Variants in DYTN observed in about 807,000 individuals in gnomAD.
The protein encoded by DYTN is dystrotelin.
DYTN carries 75 observed loss-of-function variants against 69.6 expected under a neutral mutation model. The ratio of observed to expected loss-of-function variants is 1.08; its 90% CI spans 0.89 to 1.31. The LOEUF (loss-of-function observed/expected upper bound fraction) is 1.31. Among genes scored for constraint, DYTN ranks in the 50% most tolerant of loss-of-function variants. DYTN has a pLI of 0.00. For missense variants in DYTN, 726 were observed against 688.4 expected (o/e 1.05, Z -0.61); for synonymous variants, 252 against 249.1 (o/e 1.01, Z -0.11).
intron 11 of DYTN, among the ~76,000 whole-genome samples, chr2:206,658,394 A>G (rs1321623944): frequency 6.6e-6 from 1 of 150,680 alleles, no homozygotes; most frequent in Non-Finnish European, 1.5e-5. Flanking sequence ...CTTCTTCTTT[A>G]CTCTTTATTT....
chr2:206,694,983 G>A, intron 7 of DYTN, 106 bp from the exon 8 acceptor site: 1 of 733,428 alleles, frequency 1.4e-6, no homozygotes. Context: ...TACAGAAGAT[G>A]TCTGAGCTGC....
intron 1 of DYTN, among the ~76,000 whole-genome samples, 178 bp downstream of exon 1, chr2:206,718,083 A>C (rs1192972381): frequency 6.6e-6 from 1 of 152,216 alleles, no homozygotes; most frequent in Non-Finnish European, 1.5e-5. Context: ...TCTTCAGTAC[A>C]TGGTGGATTT....
At chr2:206,684,794 C>T (rs1699787721) in intron 9 of DYTN, among the ~76,000 whole-genome samples, 1 of 145,160 alleles carries the variant, frequency 6.9e-6, no homozygotes, top group African/African-American at 2.7e-5. Flanking sequence ...AGTATAGCCT[C>T]TTTATTTTCT....
At chr2:206,679,937 C>T (rs1489671754) in intron 9 of DYTN, among the ~76,000 whole-genome samples, 1 of 152,150 alleles carries the variant, frequency 6.6e-6, no homozygotes, top group Non-Finnish European at 1.5e-5. Context: ...TCTTCATTTG[C>T]TCAGGATGCT....
chr2:206,705,651 T>A (rs755199303), intron 4 of DYTN, 137 bp downstream of exon 4: 4 of 685,962 alleles, frequency 5.8e-6, no homozygotes, highest in Non-Finnish European at 9.1e-6. Context: ...CCTCAAATAG[T>A]AAATATTTTT....
intron 9 of DYTN, among the ~76,000 whole-genome samples, chr2:206,678,387 C>A (rs1176036414): frequency 2.0e-5 from 3 of 152,170 alleles, no homozygotes; most frequent in African/African-American, 7.2e-5. Context: ...GGCAATTTTG[C>A]AATAAGCATG....
chr2:206,684,751 TTTCTTC>T (rs978263322), intron 9 of DYTN, among the ~76,000 whole-genome samples: 2 of 152,182 alleles, frequency 1.3e-5, no homozygotes, highest in African/African-American at 4.8e-5. Flanking sequence ...TCTTCCCCAT[TTTCTTC>T]TTCTTCTTGA....
At position 206,666,026 on chromosome 2, in the gene DYTN, G is replaced by A. The variant is rs200245926; in HGVS notation, c.984C>T (p.Leu328=). ...TGTATTGGTTTAACTGTTTTTTAAG[G>A]AGCCTGAAAAGAGAACAGATTTGAG... The part of the protein sequence containing the change: ...KGVPHHAQAR[L]LKKQLNQYKD... Residue 328 remains leucine (L), a synonymous_variant, in exon 10 of 12, where the codon CTC becomes CTT. Transcript: ENST00000452335. The A allele has an allele frequency of 1.5e-4, 234 of 1,613,524 alleles. No individual in the cohort carries two copies. The highest frequency in any genetic ancestry group is 3.2e-4 in the Admixed American group (19 of 59,968).
Position 206,651,665 on chromosome 2 carries a change from A to T in DYTN, c.*153T>A. 1 of 634,714 alleles carries T rather than the reference A, an allele frequency of 1.6e-6. No homozygotes were observed. The allele number at this position is 634,714 out of a possible 1,614,324, so 39.3% of individuals were successfully genotyped here. A position where few individuals can be genotyped will look rare whatever the true frequency, so the allele number is the denominator to read the frequency against. On this transcript the variant is annotated 3_prime_UTR_variant, in exon 12 of 12. Transcript: ENST00000452335. Reference sequence around the variant, plus strand: ...ACTCTGAACTGCAGAACTAAGATACATAAGTAGGGAGGGAGATCAAAAAAC... The same window carrying T: ...ACTCTGAACTGCAGAACTAAGATACTTAAGTAGGGAGGGAGATCAAAAAAC...
chr2:206,707,159 G>A, intron 3 of DYTN, 143 bp downstream of exon 3: 1 of 1,007,686 alleles, frequency 9.9e-7, no homozygotes, highest in Non-Finnish European at 1.4e-6. Context: ...TTCTACTCCT[G>A]AGGAATAAAT....
chr2:206,672,186 T>A (rs1241134856), intron 9 of DYTN, among the ~76,000 whole-genome samples: 1 of 152,256 alleles, frequency 6.6e-6, no homozygotes, highest in Admixed American at 6.5e-5. Flanking sequence ...TTATAATATT[T>A]TAACTTCTTA....
In DYTN at chr2:206,651,823, T is replaced by C. The variant is rs766902018; in HGVS notation, c.1732A>G (p.Lys578Glu). 11 of 1,613,538 alleles carry C rather than the reference T, an allele frequency of 6.8e-6. 1 individual carries two copies. In the South Asian group the frequency reaches 1.2e-4, roughly 18 times the overall value. The change falls in exon 12 of 12, where the codon AAG (lysine) becomes GAG (glutamate). Residue 578 changes from lysine (K) to glutamate (E), a missense_variant. By Grantham distance (56) the Lys-to-Glu change is moderately conservative (BLOSUM62 1). Transcript: ENST00000452335. ...CTTTGAGCCTGGACTCCATTTCACT[T>C]CAAATTGGGCAAGGCAATTTGATCA... ...LVDQIALPNL[K>E]
At chr2:206,709,067 TAA>T (rs1311053605) in intron 2 of DYTN, among the ~76,000 whole-genome samples, 1 of 152,206 alleles carries the variant, frequency 6.6e-6, no homozygotes. Flanking sequence ...ATAATAGTTA[TAA>T]GTGAGTTTCT....
rs141321104 is a variant in DYTN at position 206,700,191 on chromosome 2, C to T, written c.509G>A (p.Arg170His). 401 of 1,613,902 alleles carry T rather than the reference C, an allele frequency of 2.5e-4. 1 individual carries two copies. The African/African-American group carries it at 4.1e-3, about 17-fold the overall frequency. ...QQIPTFVGES[R>H]ALCPVESATR... ...GGCACTTTCCACAGGGCACAGAGCA[C>T]GACTCTCTCCCACGAAAGTTGGGAT... The change falls in exon 6 of 12, where the codon CGT becomes CAT. Residue 170 changes from arginine to histidine, a missense_variant. Transcript: ENST00000452335.
chr2:206,713,396 C>T (rs1031976928), intron 1 of DYTN, among the ~76,000 whole-genome samples: 7 of 152,142 alleles, frequency 4.6e-5, no homozygotes, highest in African/African-American at 1.4e-4. Context: ...CTGCCACAAT[C>T]GCTGAAGTAT....
intron 9 of DYTN, among the ~76,000 whole-genome samples, chr2:206,668,528 C>T (rs77440691): frequency 2.0e-3 from 298 of 152,270 alleles, no homozygotes; most frequent in Non-Finnish European, 3.6e-3. Context: ...TCCTTTCAAA[C>T]GACATAAAAT....
chr2:206,699,873 G>A lies in DYTN; in HGVS notation c.573C>T (p.Ile191=). 1 of 1,613,342 alleles carries A rather than the reference G, an allele frequency of 6.2e-7. No homozygotes were observed. Among genetic ancestry groups the A allele is most frequent in the Non-Finnish European group, 8.5e-7 (1 of 1,179,654 alleles). The change falls in exon 7 of 12, where the codon ATC becomes ATT. Residue 191 remains isoleucine (I), a synonymous_variant. Coordinates refer to ENST00000452335, the MANE Select transcript of DYTN (RefSeq NM_001093730.1). ...SCFQGVLSPA[I]KEEKFLSWVQ... ...CCCAAGACAGGAATTTTTCTTCTTT[G>A]ATTGCTGGGCTCAACACCTGAAAAA...
intron 9 of DYTN, among the ~76,000 whole-genome samples, chr2:206,673,000 G>C (rs1699645673): frequency 6.6e-6 from 1 of 152,080 alleles, no homozygotes. Context: ...GTGTGTCATG[G>C]GGGTTGCTGT....
chr2:206,675,439 T>G (rs13395921), intron 9 of DYTN, among the ~76,000 whole-genome samples: 22,404 of 151,324 alleles, frequency 0.15, 2,869 homozygotes, highest in African/African-American at 0.35. Context: ...GTTTCTCTTT[T>G]CAGGGTAACT....
Sources: allele counts gnomAD v4.1 joint callset (sites outside exome capture counted in the v4.1 genomes callset), GRCh38; gene constraint gnomAD v4.1.1; transcripts MANE v1.5; gene names NCBI Gene and HGNC (gene_info 2026-07-23, HGNC 2026-07-21).